ARMC3: variants seen among roughly 807,000 people sequenced by gnomAD.
ARMC3 encodes the protein armadillo repeat-containing protein 3.
Under a neutral mutation model 90.3 loss-of-function variants are expected in ARMC3, and 74 were observed. The observed-to-expected ratio is 0.82, with a 90% CI of 0.68 to 0.99. ARMC3 has a LOEUF of 0.99. Among genes scored for constraint, ARMC3 ranks in the 50% least tolerant of loss-of-function variants. The pLI is 0.00. For synonymous variants in ARMC3, 334 were observed against 361.8 expected (o/e 0.92, Z 0.87); for missense variants, 958 against 1,042.8 (o/e 0.92, Z 1.12).
At position 23,029,597 on chromosome 10, in the gene ARMC3, A is replaced by T. The variant is rs11013260; in HGVS notation, c.2046-999A>T. On this transcript the variant is annotated intron_variant, in intron 16 of 18. Transcript: ENST00000298032. ...TTTAACTAAGGAATATTCAAAAAAG[A>T]TTGCTGAATTACATGCCAAATTGAT... Among the ~76,000 whole-genome samples, 1,288 of 152,336 alleles carry T rather than the reference A, an allele frequency of 8.5e-3. 13 individuals carry two copies. Among genetic ancestry groups the T allele is most frequent in the Non-Finnish European group, 0.01 (688 of 68,032 alleles).
chr10:23,016,663 T>G (rs372771152), intron 16 of ARMC3, among the ~76,000 whole-genome samples: 6 of 152,224 alleles, frequency 3.9e-5, no homozygotes, highest in African/African-American at 9.6e-5. Context: ...CCTGGCAGAC[T>G]TCATGGGAAA....
At position 23,003,363 on chromosome 10, in the gene ARMC3, CTATT is replaced by C. The variant is rs1420283743; in HGVS notation, c.1682_1685del (p.Tyr561CysfsTer6). On this transcript the variant is annotated frameshift_variant, in exon 13 of 19. Transcript: ENST00000298032. LOFTEE classifies it high-confidence loss of function. ...TTTCCCTGAAATACAGCCAGACTGG[CTATT>C]TGTCATCAAGTAACATAATTAACGA... 6.2e-7 allele frequency: 1 copy of C among 1,611,954 alleles called. No homozygotes were observed. Among genetic ancestry groups the C allele is most frequent in the Non-Finnish European group, 8.5e-7 (1 of 1,179,082 alleles).
intron 2 of ARMC3, among the ~76,000 whole-genome samples, chr10:22,939,111 G>T (rs1834221297): frequency 6.6e-6 from 1 of 152,146 alleles, no homozygotes; most frequent in Non-Finnish European, 1.5e-5. Context: ...TAAGGTTTTT[G>T]ATTGTGAAAG....
intron 8 of ARMC3, among the ~76,000 whole-genome samples, chr10:22,981,077 A>G (rs997583784): frequency 1.1e-4 from 17 of 152,350 alleles, no homozygotes; most frequent in African/African-American, 3.8e-4. Flanking sequence ...TGCTAAATCC[A>G]AAAACTTGCC....
chr10:23,002,238 T>TTCACCGCTCCCTCACTGCCC (rs1394718237), intron 12 of ARMC3, among the ~76,000 whole-genome samples, 183 bp downstream of exon 12: 1 of 152,234 alleles, frequency 6.6e-6, no homozygotes. Flanking sequence ...GGGGTCCCGA[T>TTCACCGCTCCCTCACTGCCC]TCACCGCTCC....
chr10:23,006,936 C>A lies in ARMC3; in HGVS notation c.1784C>A (p.Pro595Gln), dbSNP rs368086967. The A allele has an allele frequency of 2.5e-6, 4 of 1,613,742 alleles. No homozygotes were observed. The highest frequency in any genetic ancestry group is 2.7e-5 in the African/African-American group (2 of 74,914). The change falls in exon 14 of 19, where the codon CCA becomes CAA. Residue 595 changes from proline (P) to glutamine (Q), a missense_variant. Physicochemically the swap from Pro to Gln is moderately conservative, Grantham distance 76 (BLOSUM62 -1). Transcript: ENST00000298032. ...LPLKELCLQE[P>Q]SDLRAVLLIN... ...TTGAAGGAGCTCTGCTTACAAGAAC[C>A]AAGTGACCTACGGGCTGTACTCTTA...
intron 8 of ARMC3, among the ~76,000 whole-genome samples, chr10:22,974,859 C>G (rs1835846835): frequency 6.6e-6 from 1 of 152,108 alleles, no homozygotes; most frequent in African/African-American, 2.4e-5. Flanking sequence ...ACAGGCTGGT[C>G]TTGAATCCCT....
intron 13 of ARMC3, among the ~76,000 whole-genome samples, chr10:23,005,110 G>A (rs1308763374): frequency 6.6e-6 from 1 of 151,670 alleles, no homozygotes; most frequent in Non-Finnish European, 1.5e-5. Context: ...CTACTCCGGA[G>A]GCTGAGGCAG....
At chr10:22,946,353 A>G (rs1834526147) in intron 3 of ARMC3, 92 bp downstream of exon 3, 5 of 788,776 alleles carry the variant, frequency 6.3e-6, no homozygotes, top group Non-Finnish European at 1.0e-5. Context: ...TCTTTAACTT[A>G]CTTGCTGTCG....
chr10:23,006,667 G>A (rs1476013987), intron 13 of ARMC3: 4 of 484,872 alleles, frequency 8.2e-6, no homozygotes, highest in Non-Finnish European at 1.5e-5. Context: ...TAAAGCAATC[G>A]AGATGATAAG....
At chr10:22,995,163 G>A (rs1366868051) in intron 10 of ARMC3, among the ~76,000 whole-genome samples, 1 of 152,004 alleles carries the variant, frequency 6.6e-6, no homozygotes, top group African/African-American at 2.4e-5. Context: ...TGTGTACAGG[G>A]AAAAATACAA....
intron 2 of ARMC3, among the ~76,000 whole-genome samples, chr10:22,937,605 ACTC>A (rs1834162293): frequency 6.6e-6 from 1 of 150,982 alleles, no homozygotes; most frequent in South Asian, 2.1e-4. Context: ...ATCTGTGGAA[ACTC>A]CTCCTTCTGA....
At chr10:22,959,892 T>G (rs1377719894) in intron 6 of ARMC3, 3 of 474,754 alleles carry the variant, frequency 6.3e-6, no homozygotes, top group African/African-American at 5.9e-5. Context: ...GCGCAGCTAC[T>G]ATTGACTGAA....
Position 22,938,270 on chromosome 10 carries a change from G to A in ARMC3, c.48+6226G>A, listed in dbSNP as rs1056297682. On this transcript the variant is annotated intron_variant, in intron 2 of 18. Coordinates refer to ENST00000298032, the MANE Select transcript of ARMC3 (RefSeq NM_173081.5). ...TGAGGAATGCCAGGAAGGTTGGTGT[G>A]ACAGGAGATTAGTGAGCGAGGTGTA... Among the ~76,000 whole-genome samples the A allele has an allele frequency of 2.0e-5, 3 of 152,142 alleles. No homozygotes were observed. The East Asian group carries it at 5.8e-4, about 29-fold the overall frequency.
At chr10:22,932,690 G>T (rs1465282382) in intron 2 of ARMC3, among the ~76,000 whole-genome samples, 1 of 152,214 alleles carries the variant, frequency 6.6e-6, no homozygotes, top group Non-Finnish European at 1.5e-5. Context: ...ACAGACATTT[G>T]GTGTGATTTC....
intron 2 of ARMC3, among the ~76,000 whole-genome samples, chr10:22,943,678 A>G (rs1834409487): frequency 6.6e-6 from 1 of 152,116 alleles, no homozygotes; most frequent in Non-Finnish European, 1.5e-5. Context: ...CATGCCTGTA[A>G]TCCCAGCACT....
At chr10:22,955,492 G>T (rs185120710) in intron 3 of ARMC3, 23 of 203,122 alleles carry the variant, frequency 1.1e-4, no homozygotes, top group South Asian at 3.7e-4. Context: ...CAAAAATACA[G>T]CAGGATAAAG....
chr10:23,011,572 C>G (rs1337781789), intron 16 of ARMC3, among the ~76,000 whole-genome samples: 1 of 152,192 alleles, frequency 6.6e-6, no homozygotes, highest in Non-Finnish European at 1.5e-5. Flanking sequence ...TGCAGAGGGT[C>G]CTCAATGGGA....
chr10:22,971,211 A>G (rs555694943), intron 8 of ARMC3, among the ~76,000 whole-genome samples: 1 of 152,270 alleles, frequency 6.6e-6, no homozygotes, highest in East Asian at 1.9e-4. Context: ...AGCATGTGTC[A>G]CAATTTCCTC....
Sources: gnomAD v4.1 joint callset for allele counts (sites outside exome capture counted in the v4.1 genomes callset) on GRCh38, gnomAD v4.1.1 for gene constraint, MANE v1.5 for transcripts, NCBI Gene and HGNC (gene_info 2026-07-23, HGNC 2026-07-21) for gene names.